Variants in MRNIP observed in about 807,000 individuals in gnomAD.
The protein encoded by MRNIP is MRN complex-interacting protein.
In MRNIP, 30 loss-of-function variants were observed where a neutral mutation model predicts 29.8. The ratio of observed to expected loss-of-function variants is 1.01; its 90% confidence interval spans 0.75 to 1.36. The LOEUF (loss-of-function observed/expected upper bound fraction) is 1.36, where lower values mean the gene tolerates loss of function less well. MRNIP is among the 40% of genes most tolerant of loss of function. The pLI, the probability that MRNIP is intolerant of heterozygous loss-of-function variation, is 0.00. For synonymous variants in MRNIP, 201 were observed against 164.1 expected (o/e 1.23, Z -1.72); for missense variants, 459 against 423.5 (o/e 1.08, Z -0.74).
Position 179,858,766 on chromosome 5 carries a change from G to C in MRNIP, c.31C>G (p.Arg11Gly). ...TGGAAGAGGCGGCAGCTGCAGCAGCGTAGCACCCGAGAACGCTGAAGCGAC... is the reference window on the plus strand; with the variant it reads ...TGGAAGAGGCGGCAGCTGCAGCAGCCTAGCACCCGAGAACGCTGAAGCGAC... MASLQRSRVL[R>G]CCSCRLFQAH... The change falls in exon 1 of 7, where the codon CGC becomes GGC. Residue 11 changes from arginine (R) to glycine (G), a missense_variant. Coordinates refer to ENST00000292586, the MANE Select transcript of MRNIP (RefSeq NM_016175.4). The C allele has an allele frequency of 6.5e-7, 1 of 1,538,310 alleles. No individual in the cohort carries two copies. Among genetic ancestry groups the C allele is most frequent in the Non-Finnish European group, 8.8e-7 (1 of 1,142,590 alleles).
chr5:179,857,076 G>C, intron 1 of MRNIP, among the ~76,000 whole-genome samples: 1 of 152,136 alleles, frequency 6.6e-6, no homozygotes, highest in South Asian at 2.1e-4. Flanking sequence ...GACAAAGCGA[G>C]ACCTTGTCTC....
intron 4 of MRNIP, among the ~76,000 whole-genome samples, chr5:179,842,804 G>A (rs541778574): frequency 3.0e-4 from 46 of 151,284 alleles, no homozygotes; most frequent in East Asian, 7.8e-4. Flanking sequence ...AGGCTGAGGC[G>A]GGCGGGTCAC....
At chr5:179,856,429 T>C (rs1229084450) in intron 1 of MRNIP, among the ~76,000 whole-genome samples, 1 of 152,142 alleles carries the variant, frequency 6.6e-6, no homozygotes, top group Non-Finnish European at 1.5e-5. Context: ...CAATTAAAAT[T>C]AAAGTAGTAC....
At chr5:179,842,624 C>T (rs1210904979) in intron 4 of MRNIP, among the ~76,000 whole-genome samples, 1 of 131,238 alleles carries the variant, frequency 7.6e-6, no homozygotes, top group South Asian at 2.6e-4. Context: ...GGTGTGAACC[C>T]GGGAGGCGGG....
At chr5:179,846,017 GGGTATATGAGT>G (rs1759114050) in intron 3 of MRNIP, 1 of 152,152 alleles carries the variant, frequency 6.6e-6, no homozygotes, top group Admixed American at 6.6e-5. Flanking sequence ...CTTTGGTCCA[GGGTATATGAGT>G]AGCTGCACTC....
chr5:179,846,290 CTTTTTTT>C (rs540881589), intron 3 of MRNIP: 1 of 143,352 alleles, frequency 7.0e-6, no homozygotes, highest in African/African-American at 2.5e-5. Flanking sequence ...TTCTTTTTTT[CTTTTTTT>C]TTTTTGAGAT....
At chr5:179,843,055 AAGGAAGGGAGGG>A (rs1485747776) in intron 4 of MRNIP, among the ~76,000 whole-genome samples, 4 of 121,596 alleles carry the variant, frequency 3.3e-5, no homozygotes, top group African/African-American at 2.8e-5. Flanking sequence ...GGAAGGAAGG[AAGGAAGGGAGGG>A]AGGGAGGGAG....
At chr5:179,844,978 C>T (rs1292012159) in intron 3 of MRNIP, among the ~76,000 whole-genome samples, 10 of 152,148 alleles carry the variant, frequency 6.6e-5, no homozygotes, top group Non-Finnish European at 1.5e-5. Flanking sequence ...CTGGAAAATG[C>T]TGTGCTCTTA....
At chr5:179,851,291 C>A (rs1350861912) in intron 2 of MRNIP, 1 of 456,070 alleles carries the variant, frequency 2.2e-6, no homozygotes, top group South Asian at 1.5e-5. Context: ...GTTGACTGGA[C>A]CAGAGGTGGG....
At chr5:179,858,011 C>CAAAAAAAA (rs762726244) in intron 1 of MRNIP, among the ~76,000 whole-genome samples, 2 of 77,270 alleles carry the variant, frequency 2.6e-5, no homozygotes, top group Non-Finnish European at 5.7e-5. Flanking sequence ...AACTCCGTCT[C>CAAAAAAAA]AAAAAAAAAA....
chr5:179,843,081 G>GGCAGGCAAGCAGGCAA (rs146873343), intron 4 of MRNIP, among the ~76,000 whole-genome samples: 1 of 146,080 alleles, frequency 6.8e-6, no homozygotes, highest in Admixed American at 7.1e-5. Flanking sequence ...GAGGGAGGGA[G>GGCAGGCAAGCAGGCAA]GCAGGCAAGC....
intron 2 of MRNIP, among the ~76,000 whole-genome samples, chr5:179,848,952 C>T (rs546803872): frequency 3.3e-4 from 50 of 152,198 alleles, no homozygotes; most frequent in African/African-American, 1.1e-3. Flanking sequence ...CGGTACGAGA[C>T]GGAATTTGAG....
At chr5:179,840,828 G>T in intron 6 of MRNIP, 44 bp downstream of exon 6, 1 of 1,285,626 alleles carries the variant, frequency 7.8e-7, no homozygotes, top group Non-Finnish European at 1.1e-6. Flanking sequence ...TCACACACAC[G>T]CTCAGTGGTC....
chr5:179,843,081 G>A (rs562573742), intron 4 of MRNIP, among the ~76,000 whole-genome samples: 19 of 146,210 alleles, frequency 1.3e-4, no homozygotes, highest in Non-Finnish European at 2.1e-4. Context: ...GAGGGAGGGA[G>A]GCAGGCAAGC....
At chr5:179,854,062 C>CAGT (rs1759486633) in intron 1 of MRNIP, among the ~76,000 whole-genome samples, 1 of 146,276 alleles carries the variant, frequency 6.8e-6, no homozygotes, top group Non-Finnish European at 1.5e-5. Flanking sequence ...GCTCTGCTGC[C>CAGT]CAGGCTGGAG....
rs1758674480 is a variant in MRNIP, at chr5:179,837,814, GCA to G, written c.607_608del (p.Cys203GlnfsTer25). 1 of 1,613,526 alleles carries G rather than the reference GCA, an allele frequency of 6.2e-7. No homozygotes were observed. The highest frequency in any genetic ancestry group is 8.5e-7 in the Non-Finnish European group (1 of 1,180,020). On this transcript the variant is annotated frameshift_variant, in exon 7 of 7. Transcript: ENST00000292586. LOFTEE classifies it low-confidence loss of function (END_TRUNC). Reference sequence around the variant, plus strand: ...CAGGACCCCTCAGCTCCCCGGCACTGCAGTCTGCAGAGTTCTCCTGGAGGCAG... The same window carrying G: ...CAGGACCCCTCAGCTCCCCGGCACTGGTCTGCAGAGTTCTCCTGGAGGCAG... ...SPCLQENSAD[C>X]SAGELRGPGK...
In MRNIP at chr5:179,837,539, C is replaced by T. The variant is rs1237446200; in HGVS notation, c.884G>A (p.Gly295Glu). 2 of 1,614,198 alleles carry T rather than the reference C, an allele frequency of 1.2e-6. No individual in the cohort carries two copies. Among genetic ancestry groups the T allele is most frequent in the Non-Finnish European group, 8.5e-7 (1 of 1,180,018 alleles). Reference protein sequence around the residue: ...LPRATHPVTSGSERPCGKTSW... With the variant: ...LPRATHPVTSESERPCGKTSW... ...GGTCTTCCCGCAAGGCCTCTCAGAC[C>T]CAGATGTGACGGGGTGTGTGGCCCG... The change falls in exon 7 of 7, where the codon GGG becomes GAG. Residue 295 changes from glycine (G) to glutamate (E), a missense_variant. Transcript: ENST00000292586.
At chr5:179,857,229 G>A (rs1387747620) in intron 1 of MRNIP, among the ~76,000 whole-genome samples, 1 of 152,136 alleles carries the variant, frequency 6.6e-6, no homozygotes, top group Non-Finnish European at 1.5e-5. Flanking sequence ...TTCGGAGGCC[G>A]AGGCGGGCAG....
intron 1 of MRNIP, among the ~76,000 whole-genome samples, chr5:179,853,902 G>A (rs1759479142): frequency 6.6e-6 from 1 of 151,936 alleles, no homozygotes; most frequent in African/African-American, 2.4e-5. Context: ...AGTAGAGATG[G>A]GGTTTCACCA....
Sources: allele counts gnomAD v4.1 joint callset (sites outside exome capture counted in the v4.1 genomes callset), GRCh38; gene constraint gnomAD v4.1.1; transcripts MANE v1.5; gene names NCBI Gene and HGNC (gene_info 2026-07-23, HGNC 2026-07-21).